PCDH15: variants seen among roughly 807,000 people sequenced by gnomAD.
PCDH15 encodes the protein protocadherin related 15.
Under a neutral mutation model 178.5 loss-of-function variants are expected in PCDH15, and 129 were observed. The ratio of observed to expected loss-of-function variants is 0.72; its 90% CI spans 0.63 to 0.84. PCDH15 has a LOEUF of 0.84. Among genes scored for constraint, PCDH15 ranks in the 40% least tolerant of loss-of-function variants. PCDH15 has a pLI of 0.00. For synonymous variants in PCDH15, 800 were observed against 732.0 expected (o/e 1.09, Z -1.50); for missense variants, 2,230 against 2,099.9 (o/e 1.06, Z -1.21).
chr10:54,250,000 C>G (rs921069329), intron 8 of PCDH15, among the ~76,000 whole-genome samples: 6 of 151,872 alleles, frequency 4.0e-5, no homozygotes, highest in Non-Finnish European at 7.4e-5. Context: ...CAACCTCCAC[C>G]TCATGGGCTC....
chr10:53,843,628 G>A (rs538183041), intron 28 of PCDH15, among the ~76,000 whole-genome samples: 2 of 151,822 alleles, frequency 1.3e-5, no homozygotes, highest in Non-Finnish European at 2.9e-5. Flanking sequence ...GGGAATAAAA[G>A]AACAATATAG....
At chr10:54,301,048 G>A (rs1292875429) in intron 8 of PCDH15, among the ~76,000 whole-genome samples, 3 of 152,088 alleles carry the variant, frequency 2.0e-5, no homozygotes, top group Non-Finnish European at 4.4e-5. Flanking sequence ...TGAAGTCAGC[G>A]AGACCACGAA....
intron 21 of PCDH15, among the ~76,000 whole-genome samples, chr10:53,972,423 C>G (rs1238873126): frequency 2.0e-5 from 3 of 152,120 alleles, no homozygotes; most frequent in Non-Finnish European, 2.9e-5. Context: ...GCAACAAAAG[C>G]CAAAATTGAC....
intron 1 of PCDH15, among the ~76,000 whole-genome samples, chr10:55,271,211 T>C (rs1452666041): frequency 6.6e-6 from 1 of 151,930 alleles, no homozygotes; most frequent in African/African-American, 2.4e-5. Context: ...ATGCAATATA[T>C]CCATGCAACA....
intron 9 of PCDH15, among the ~76,000 whole-genome samples, chr10:54,220,013 ATTT>A (rs1399993273): frequency 6.6e-6 from 1 of 152,156 alleles, no homozygotes; most frequent in Non-Finnish European, 1.5e-5. Context: ...ACTATCTCTT[ATTT>A]TATATATTTT....
chr10:54,352,684 A>G (rs1337162097), intron 5 of PCDH15, among the ~76,000 whole-genome samples: 1 of 152,148 alleles, frequency 6.6e-6, no homozygotes, highest in South Asian at 2.1e-4. Flanking sequence ...ATATCAGCCT[A>G]TGTTAAAACA....
chr10:55,195,024 T>C (rs796918632), intron 1 of PCDH15, among the ~76,000 whole-genome samples: 3 of 111,212 alleles, frequency 2.7e-5, no homozygotes. Context: ...AAGAAGAAAA[T>C]TTTTTTTTTT....
intron 2 of PCDH15, among the ~76,000 whole-genome samples, chr10:55,557,857 T>A (rs1380997105): frequency 6.6e-6 from 1 of 152,096 alleles, no homozygotes; most frequent in Non-Finnish European, 1.5e-5. Flanking sequence ...GTAAAGAGTT[T>A]GGAGGTTTAC....
At chr10:54,132,235 G>A (rs550172034) in intron 15 of PCDH15, among the ~76,000 whole-genome samples, 4 of 152,158 alleles carry the variant, frequency 2.6e-5, no homozygotes, top group East Asian at 1.9e-4. Context: ...CAAAGATAGA[G>A]CTTTTCCTGG....
intron 2 of PCDH15, among the ~76,000 whole-genome samples, chr10:55,404,707 T>C (rs541356053): frequency 1.5e-3 from 228 of 152,078 alleles, no homozygotes; most frequent in African/African-American, 5.2e-3. Context: ...AGGACTAATA[T>C]GTTTAACATT....
chr10:54,644,170 T>C (rs2094066783), intron 2 of PCDH15, among the ~76,000 whole-genome samples: 1 of 150,996 alleles, frequency 6.6e-6, no homozygotes, highest in Non-Finnish European at 1.5e-5. Flanking sequence ...TATGGCTGCA[T>C]AGTATTCCAC....
intron 2 of PCDH15, among the ~76,000 whole-genome samples, chr10:55,022,326 C>T (rs2131955834): frequency 6.6e-6 from 1 of 151,788 alleles, no homozygotes; most frequent in Admixed American, 6.6e-5. Flanking sequence ...GTGGCACACT[C>T]CTGAAATCCC....
chr10:55,288,819 T>G (rs1399210735), intron 1 of PCDH15, among the ~76,000 whole-genome samples: 1 of 151,764 alleles, frequency 6.6e-6, no homozygotes, highest in African/African-American at 2.4e-5. Flanking sequence ...AATGTTGCAA[T>G]AAACATTAGA....
At chr10:54,178,943 AAT>A (rs1262503247) in intron 13 of PCDH15, among the ~76,000 whole-genome samples, 4 of 152,140 alleles carry the variant, frequency 2.6e-5, no homozygotes, top group African/African-American at 9.7e-5. Context: ...GATGTGGAGA[AAT>A]AGGAACACTT....
intron 2 of PCDH15, among the ~76,000 whole-genome samples, chr10:54,650,015 AG>A (rs1292519829): frequency 6.6e-6 from 1 of 152,176 alleles, no homozygotes; most frequent in East Asian, 1.9e-4. Flanking sequence ...GGAAAATATA[AG>A]TAACTGAGAC....
At chr10:54,296,144 C>CAAAAAAAAAAAAAAAAAAAAAAAAAAAA (rs59721161) in intron 8 of PCDH15, among the ~76,000 whole-genome samples, 2 of 48,222 alleles carry the variant, frequency 4.1e-5, no homozygotes, top group African/African-American at 8.0e-5. Flanking sequence ...GACTCCGTCT[C>CAAAAAAAAAAAAAAAAAAAAAAAAAAAA]AAAAAAAAAA....
chr10:53,808,246 AC>A, intron 37 of PCDH15: 2 of 228,072 alleles, frequency 8.8e-6, no homozygotes, highest in Non-Finnish European at 1.4e-5. Flanking sequence ...GCAAAAGTAG[AC>A]GACTGTTAAA....
chr10:54,053,066 C>A (rs1911386), intron 18 of PCDH15, among the ~76,000 whole-genome samples: 31,556 of 151,992 alleles, frequency 0.21, 3,446 homozygotes, highest in Non-Finnish European at 0.23. Flanking sequence ...TTTATAAATT[C>A]CCCAGTCTAA....
chr10:55,102,971 A>G (rs1842605632), intron 2 of PCDH15, among the ~76,000 whole-genome samples: 1 of 152,106 alleles, frequency 6.6e-6, no homozygotes, highest in Admixed American at 6.6e-5. Context: ...TCTGCTGAGG[A>G]GGAGGAAGAG....
Sources: gnomAD v4.1 joint callset for allele counts (sites outside exome capture counted in the v4.1 genomes callset) on GRCh38, gnomAD v4.1.1 for gene constraint, MANE v1.5 for transcripts, NCBI Gene and HGNC (gene_info 2026-07-23, HGNC 2026-07-21) for gene names.